The following DOCK3 variants were observed in gnomAD, a reference collection of about 807,000 sequenced individuals.
The protein encoded by DOCK3 is dedicator of cytokinesis 3, also known as dedicator of cytokinesis protein 3.
In DOCK3, 60 loss-of-function variants were observed where a neutral mutation model predicts 265.6. That is an observed-to-expected ratio of 0.23 (90% CI 0.18 to 0.28). The LOEUF (loss-of-function observed/expected upper bound fraction) is 0.28. Ranked by LOEUF, DOCK3 falls within the 10% of genes least tolerant of loss-of-function variation. DOCK3 has a pLI of 1.00. For synonymous variants in DOCK3, 881 were observed against 938.0 expected (o/e 0.94, Z 1.11); for missense variants, 1,981 against 2,594.3 (o/e 0.76, Z 5.14).
At chr3:50,824,096 G>A (rs996141711) in intron 2 of DOCK3, among the ~76,000 whole-genome samples, 3 of 152,192 alleles carry the variant, frequency 2.0e-5, no homozygotes, top group African/African-American at 7.2e-5. Context: ...ACCACTGAGA[G>A]TCTAGACCAG....
rs557160821 is a variant in DOCK3, at chr3:50,768,053, G to A, written c.38-10622G>A. The stretch of plus-strand genomic sequence containing the variant: ...GGTTTTCTAAATATACAATCATGCC[G>A]TCTGCAAACAGGGACAATTTGACTT... On this transcript the variant is annotated intron_variant, in intron 1 of 52. Coordinates refer to ENST00000266037, the MANE Select transcript of DOCK3 (RefSeq NM_004947.5). Among the ~76,000 whole-genome samples the A allele has an allele frequency of 1.6e-4, 24 of 152,226 alleles. 2 individuals are homozygous for A. Among genetic ancestry groups the A allele is most frequent in the Admixed American group, 9.2e-4 (14 of 15,280 alleles).
At chr3:51,322,093 C>T (rs1258828273) in intron 32 of DOCK3, among the ~76,000 whole-genome samples, 1 of 152,208 alleles carries the variant, frequency 6.6e-6, no homozygotes, top group African/African-American at 2.4e-5. Flanking sequence ...GGTCAGGTTA[C>T]CCACAAGGGG....
At chr3:51,111,993 A>G (rs750368310) in intron 9 of DOCK3, among the ~76,000 whole-genome samples, 1 of 152,214 alleles carries the variant, frequency 6.6e-6, no homozygotes, top group Non-Finnish European at 1.5e-5. Context: ...AATCAAAACC[A>G]CAATGAGATA....
At chr3:51,255,408 T>C (rs1395156758) in intron 22 of DOCK3, among the ~76,000 whole-genome samples, 1 of 152,218 alleles carries the variant, frequency 6.6e-6, no homozygotes, top group Non-Finnish European at 1.5e-5. Context: ...ATTTGAATGT[T>C]GGCCTGCCTT....
At chr3:51,089,898 CAA>C (rs1166631932) in intron 8 of DOCK3, among the ~76,000 whole-genome samples, 12 of 42,290 alleles carry the variant, frequency 2.8e-4, no homozygotes, top group East Asian at 6.9e-4. Flanking sequence ...GACTCTGTCT[CAA>C]AAAAAAAAAA....
At position 51,302,776 on chromosome 3, in the gene DOCK3, G is replaced by A. The variant is rs563081444; in HGVS notation, c.2923-7456G>A. Among the ~76,000 whole-genome samples, 11 of 152,316 alleles carry A rather than the reference G, an allele frequency of 7.2e-5. 1 individual carries two copies. In the South Asian group the frequency reaches 2.3e-3, roughly 32 times the overall value. On this transcript the variant is annotated intron_variant, in intron 27 of 52. Coordinates refer to ENST00000266037, the MANE Select transcript of DOCK3 (RefSeq NM_004947.5). Reference sequence around the variant, plus strand: ...ATCTCTTCTGGCTTATAGGGTTTCTGCTGAAAGGTCTGCTGTTAGTCTGAT... The same window carrying A: ...ATCTCTTCTGGCTTATAGGGTTTCTACTGAAAGGTCTGCTGTTAGTCTGAT...
chr3:51,286,917 A>G (rs2081438504), intron 27 of DOCK3, among the ~76,000 whole-genome samples: 1 of 152,242 alleles, frequency 6.6e-6, no homozygotes, highest in Non-Finnish European at 1.5e-5. Flanking sequence ...GGCCCTGACA[A>G]AGATTTCATG....
chr3:51,182,209 A>G (rs2087340275), intron 12 of DOCK3, among the ~76,000 whole-genome samples: 1 of 152,284 alleles, frequency 6.6e-6, no homozygotes, highest in Non-Finnish European at 1.5e-5. Flanking sequence ...TATAGGTTGT[A>G]TGACCTCGGG....
At chr3:50,700,448 C>G (rs190777070) in intron 1 of DOCK3, among the ~76,000 whole-genome samples, 1 of 152,290 alleles carries the variant, frequency 6.6e-6, no homozygotes, top group Non-Finnish European at 1.5e-5. Context: ...CCTTTTCCAG[C>G]CTTTGGTAAC....
chr3:51,356,376 C>G lies in DOCK3; in HGVS notation c.4417-31C>G, dbSNP rs760900034. The G allele has an allele frequency of 2.5e-5, 41 of 1,613,022 alleles. No homozygotes were observed. The African/African-American group carries it at 4.0e-4, about 16-fold the overall frequency. On this transcript the variant is annotated intron_variant, in intron 42 of 52. Coordinates refer to ENST00000266037, the MANE Select transcript of DOCK3 (RefSeq NM_004947.5). ...GCAGGGTGTGGCAAAACTTGCCTAACTGCCCATACCTGCCTGTTCCCTCCC... is the reference window on the plus strand; with the variant it reads ...GCAGGGTGTGGCAAAACTTGCCTAAGTGCCCATACCTGCCTGTTCCCTCCC...
At chr3:50,715,480 G>C (rs1170833776) in intron 1 of DOCK3, among the ~76,000 whole-genome samples, 2 of 152,098 alleles carry the variant, frequency 1.3e-5, no homozygotes, top group Non-Finnish European at 2.9e-5. Flanking sequence ...GAGCCTTGGA[G>C]GTTGAGGCTG....
intron 9 of DOCK3, among the ~76,000 whole-genome samples, chr3:51,123,664 C>T (rs1426417860): frequency 6.6e-6 from 1 of 152,160 alleles, no homozygotes; most frequent in African/African-American, 2.4e-5. Flanking sequence ...TGTGATATTT[C>T]AGCCCTGGGA....
chr3:50,883,651 T>C (rs1365946743), intron 3 of DOCK3, among the ~76,000 whole-genome samples: 1 of 152,164 alleles, frequency 6.6e-6, no homozygotes, highest in Middle Eastern at 3.2e-3. Context: ...CTTTCAGCAT[T>C]TGACAAATGT....
chr3:50,735,056 T>C (rs1039184602), intron 1 of DOCK3, among the ~76,000 whole-genome samples: 1 of 152,212 alleles, frequency 6.6e-6, no homozygotes, highest in Admixed American at 6.5e-5. Flanking sequence ...CTCTCCTTTG[T>C]TTCAGAAAGA....
In DOCK3 at chr3:50,675,238, C is replaced by A; in HGVS notation, c.-26C>A. ...GCCGCGTTGTCGCCCGGTCGCCGCG[C>A]CCGCGGGGCCGCGCCCGGCACGGCC... On this transcript the variant is annotated 5_prime_UTR_variant, in exon 1 of 53. Coordinates refer to ENST00000266037, the MANE Select transcript of DOCK3 (RefSeq NM_004947.5). The surrounding 1 kb of genome is among the most constrained non-coding windows in gnomAD (Gnocchi z 6.1). 1 of 1,170,524 alleles carries A rather than the reference C, an allele frequency of 8.5e-7. No individual in the cohort carries two copies. Among genetic ancestry groups the A allele is most frequent in the Non-Finnish European group, 1.1e-6 (1 of 941,580 alleles). The allele number at this position is 1,170,524 out of a possible 1,614,324, so 72.5% of individuals were successfully genotyped here.
At chr3:51,187,642 C>T (rs1316836046) in intron 12 of DOCK3, among the ~76,000 whole-genome samples, 1 of 151,992 alleles carries the variant, frequency 6.6e-6, no homozygotes, top group Non-Finnish European at 1.5e-5. Flanking sequence ...GTGGGAGGGA[C>T]CCGGTGGGAG....
chr3:51,339,305 A>T (rs1367826282), intron 37 of DOCK3, among the ~76,000 whole-genome samples: 1 of 152,166 alleles, frequency 6.6e-6, no homozygotes, highest in Non-Finnish European at 1.5e-5. Flanking sequence ...CTGAAGTCTC[A>T]AGGGTGACCT....
At chr3:51,295,254 C>T (rs2082015666) in intron 27 of DOCK3, among the ~76,000 whole-genome samples, 1 of 152,234 alleles carries the variant, frequency 6.6e-6, no homozygotes, top group African/African-American at 2.4e-5. Context: ...TGCTTCCACT[C>T]ATGGCAGAAG....
At chr3:51,379,650 G>C (rs1553617899) in intron 51 of DOCK3, 1 of 983,852 alleles carries the variant, frequency 1.0e-6, no homozygotes. Flanking sequence ...AGCCATCTAA[G>C]CTGAGAAGAT....
Sources: allele counts gnomAD v4.1 joint callset (sites outside exome capture counted in the v4.1 genomes callset), GRCh38; gene constraint gnomAD v4.1.1; non-coding constraint Gnocchi (gnomAD v3.1); transcripts MANE v1.5; gene names NCBI Gene and HGNC (gene_info 2026-07-23, HGNC 2026-07-21).